TUSC3: variants seen among roughly 807,000 people sequenced by gnomAD.
TUSC3 encodes the protein dolichyl-diphosphooligosaccharide--protein glycosyltransferase subunit TUSC3.
Under a neutral mutation model 44.8 loss-of-function variants are expected in TUSC3, and 45 were observed. That is an observed-to-expected ratio of 1.00 (90% CI 0.79 to 1.29). The LOEUF (loss-of-function observed/expected upper bound fraction) is 1.29. TUSC3 is among the 50% of genes most tolerant of loss of function. The pLI, the probability that TUSC3 is intolerant of heterozygous loss-of-function variation, is 0.00. For missense variants in TUSC3, 519 were observed against 437.9 expected, an observed-to-expected ratio of 1.19 and a Z score of -1.65; for synonymous variants, 212 against 152.9, an observed-to-expected ratio of 1.39 and a Z score of -2.85.
At chr8:15,513,529 G>A (rs77092780) in intron 2 of TUSC3, among the ~76,000 whole-genome samples, 1,649 of 152,194 alleles carry the variant, frequency 0.011, 34 homozygotes, top group African/African-American at 0.038. Context: ...AAGAGGCAAA[G>A]AAAAAATATA....
chr8:15,539,345 CTTT>C (rs35685582), upstream of TUSC3, among the ~76,000 whole-genome samples: 895 of 69,324 alleles, frequency 0.013, 2 homozygotes, highest in African/African-American at 0.051. Flanking sequence ...TGCTATGGTT[CTTT>C]TTTTTTTTTT....
chr8:15,652,989 T>G (rs1337011014), intron 3 of TUSC3, among the ~76,000 whole-genome samples: 1 of 152,252 alleles, frequency 6.6e-6, no homozygotes, highest in African/African-American at 2.4e-5. Context: ...AAACATCTTA[T>G]TTACTTTTAC....
At chr8:15,643,576 C>G (rs1170519076) in intron 2 of TUSC3, among the ~76,000 whole-genome samples, 1 of 152,104 alleles carries the variant, frequency 6.6e-6, no homozygotes, top group Admixed American at 6.5e-5. Context: ...GAAAGATCTA[C>G]TTAGGTCTGA....
intron 6 of TUSC3, among the ~76,000 whole-genome samples, chr8:15,707,392 C>CT (rs1318301909): frequency 6.6e-6 from 1 of 151,878 alleles, no homozygotes; most frequent in Non-Finnish European, 1.5e-5. Flanking sequence ...AGAAGAATGT[C>CT]TAAGTTTTGT....
chr8:15,773,397 A>G, the TUSC3 span, among the ~76,000 whole-genome samples: 1 of 152,200 alleles, frequency 6.6e-6, no homozygotes, highest in Admixed American at 6.5e-5. Context: ...ACTTTTGGAC[A>G]GATTTAACCA....
intron 1 of TUSC3, among the ~76,000 whole-genome samples, chr8:15,473,652 C>T (rs948167605): frequency 2.6e-5 from 4 of 152,138 alleles, no homozygotes; most frequent in African/African-American, 9.7e-5. Flanking sequence ...CCGTGCTACC[C>T]ACCTGAGCCG....
At chr8:15,773,022 C>G in the TUSC3 span, among the ~76,000 whole-genome samples, 1 of 32,314 alleles carries the variant, frequency 3.1e-5, no homozygotes, top group Non-Finnish European at 6.7e-5. Context: ...AAACCAGCAG[C>G]TAACATAACA....
At chr8:15,742,013 A>G (rs1811220554) in intron 7 of TUSC3, among the ~76,000 whole-genome samples, 1 of 152,190 alleles carries the variant, frequency 6.6e-6, no homozygotes, top group Admixed American at 6.6e-5. Flanking sequence ...AATGTATACA[A>G]GTAGATGGTC....
At chr8:15,740,171 G>A (rs1811129176) in intron 7 of TUSC3, among the ~76,000 whole-genome samples, 1 of 152,086 alleles carries the variant, frequency 6.6e-6, no homozygotes, top group African/African-American at 2.4e-5. Context: ...TGGAAGTGAG[G>A]GAGTAAATTA....
chr8:15,539,172 C>A (rs955950711), upstream of TUSC3, among the ~76,000 whole-genome samples: 3 of 151,774 alleles, frequency 2.0e-5, no homozygotes, highest in African/African-American at 7.2e-5. Flanking sequence ...TAATTTCATG[C>A]GTTTAGAAAT....
intron 1 of TUSC3, among the ~76,000 whole-genome samples, chr8:15,586,132 C>T (rs570420644): frequency 6.6e-6 from 1 of 152,196 alleles, no homozygotes; most frequent in South Asian, 2.1e-4. Context: ...CATATAAGGT[C>T]AAGTCAGAGA....
the TUSC3 span, among the ~76,000 whole-genome samples, chr8:15,808,801 C>G: frequency 6.6e-6 from 1 of 152,046 alleles, no homozygotes; most frequent in South Asian, 2.1e-4. Context: ...TCTTGGTCAC[C>G]TGGATTGCTA....
At chr8:15,582,368 G>A (rs1482030434) in intron 1 of TUSC3, among the ~76,000 whole-genome samples, 3 of 152,204 alleles carry the variant, frequency 2.0e-5, no homozygotes, top group African/African-American at 7.2e-5. Flanking sequence ...GTACTTGAAG[G>A]ATGAGACTTA....
chr8:15,743,514 C>T lies in TUSC3; in HGVS notation c.863-24C>T, dbSNP rs184096262. 148 of 1,612,222 alleles carry T rather than the reference C, an allele frequency of 9.2e-5. 1 individual carries two copies. Among genetic ancestry groups the T allele is most frequent in the African/African-American group, 7.2e-4 (54 of 74,982 alleles). On this transcript the variant is annotated intron_variant, in intron 7 of 10. Coordinates refer to ENST00000503731, the MANE Select transcript of TUSC3 (RefSeq NM_006765.4). ...TAGATTTTATTCACATCTATGTCTA[C>T]GGCTTCCTTGACAACTACTGCAGAT... is the stretch of plus-strand genomic sequence containing the variant.
At chr8:15,814,672 A>C in the TUSC3 span, among the ~76,000 whole-genome samples, 1 of 152,188 alleles carries the variant, frequency 6.6e-6, no homozygotes, top group Non-Finnish European at 1.5e-5. Flanking sequence ...CTATTATCTA[A>C]AGAGTTGCCT....
At chr8:15,777,777 C>T in the TUSC3 span, among the ~76,000 whole-genome samples, 10 of 152,202 alleles carry the variant, frequency 6.6e-5, no homozygotes, top group East Asian at 1.7e-3. Context: ...ATCTCCTTTA[C>T]AGGAATTCCC....
At chr8:15,658,173 T>G (rs2129178460) in intron 3 of TUSC3, among the ~76,000 whole-genome samples, 1 of 152,304 alleles carries the variant, frequency 6.6e-6, no homozygotes, top group Non-Finnish European at 1.5e-5. Flanking sequence ...AGCAGTAGTG[T>G]TTGAAGAGCA....
intron 7 of TUSC3, among the ~76,000 whole-genome samples, chr8:15,734,711 A>G (rs910496853): frequency 2.6e-5 from 4 of 152,230 alleles, no homozygotes; most frequent in South Asian, 2.1e-4. Context: ...CTCCCTGTCT[A>G]GAGAATTGGC....
intron 6 of TUSC3, among the ~76,000 whole-genome samples, chr8:15,724,004 T>G (rs1035290970): frequency 2.6e-5 from 4 of 152,164 alleles, no homozygotes; most frequent in Admixed American, 1.3e-4. Flanking sequence ...TGTGACTGTT[T>G]GGACGTGGGT....
Sources: gnomAD v4.1 joint callset for allele counts (sites outside exome capture counted in the v4.1 genomes callset) on GRCh38, gnomAD v4.1.1 for gene constraint, MANE v1.5 for transcripts, NCBI Gene and HGNC (gene_info 2026-07-23, HGNC 2026-07-21) for gene names.